RAB4B: variants seen among roughly 807,000 people sequenced by gnomAD.
RAB4B encodes the protein ras-related protein Rab-4B.
A neutral mutation model predicts 28.3 loss-of-function variants in RAB4B; 15 were observed. That is an observed-to-expected ratio of 0.53 (90% CI 0.35 to 0.82). The LOEUF (loss-of-function observed/expected upper bound fraction) is 0.82. Among genes scored for constraint, RAB4B ranks in the 40% least tolerant of loss-of-function variants. The pLI is 0.01. For missense variants in RAB4B, 244 were observed against 288.5 expected (o/e 0.85, Z 1.12); for synonymous variants, 108 against 116.3 (o/e 0.93, Z 0.46).
chr19:40,782,971 C>G (rs143606370), intron 3 of RAB4B, among the ~76,000 whole-genome samples: 1 of 152,018 alleles, frequency 6.6e-6, no homozygotes, highest in Non-Finnish European at 1.5e-5. Flanking sequence ...AACCCCATCT[C>G]TACTAAAAAT....
At chr19:40,782,881 G>A (rs771881690) in intron 3 of RAB4B, among the ~76,000 whole-genome samples, 5 of 152,140 alleles carry the variant, frequency 3.3e-5, no homozygotes, top group Non-Finnish European at 7.3e-5. Context: ...GCTCACGCCT[G>A]TAATCCCAAC....
chr19:40,788,613 G>T (rs975946536), intron 7 of RAB4B, among the ~76,000 whole-genome samples: 2 of 150,502 alleles, frequency 1.3e-5, no homozygotes, highest in South Asian at 2.1e-4. Flanking sequence ...TTGAGATGGG[G>T]TATTGCTCTG....
chr19:40,781,038 G>T (rs1228039267), intron 3 of RAB4B, among the ~76,000 whole-genome samples: 1 of 150,930 alleles, frequency 6.6e-6, no homozygotes, highest in Non-Finnish European at 1.5e-5. Flanking sequence ...CACTGTGGGA[G>T]GCTGAGGCAG....
intron 3 of RAB4B, 39 bp downstream of exon 3, chr19:40,780,538 A>T: frequency 6.5e-7 from 1 of 1,533,748 alleles, no homozygotes; most frequent in Non-Finnish European, 9.0e-7. Context: ...GGGGAGAGAG[A>T]GTGAGAAGGA....
chr19:40,790,401 C>T (rs2083146164), intron 7 of RAB4B, among the ~76,000 whole-genome samples: 2 of 150,630 alleles, frequency 1.3e-5, no homozygotes, highest in Non-Finnish European at 3.0e-5. Context: ...GACAGAGTCT[C>T]GCTCTGTCAC....
In RAB4B at chr19:40,780,356, A is replaced by T. The variant is rs544025208; in HGVS notation, c.98-29A>T. Reference sequence around the variant, plus strand: ...TCTGAGCTGTCTCCTCTCTCCCTGTACTGCCCCTTCTGTTCCTCCTACTCC... The same window carrying T: ...TCTGAGCTGTCTCCTCTCTCCCTGTTCTGCCCCTTCTGTTCCTCCTACTCC... On this transcript the variant is annotated intron_variant, in intron 2 of 7. Transcript: ENST00000357052. 8.3e-6 allele frequency: 13 copies of T among 1,567,924 alleles called. No individual in the cohort carries two copies. The South Asian group carries it at 1.4e-4, about 17-fold the overall frequency.
intron 1 of RAB4B, among the ~76,000 whole-genome samples, 200 bp downstream of exon 1, chr19:40,778,591 G>A (rs570593205): frequency 6.6e-6 from 1 of 152,304 alleles, no homozygotes; most frequent in Admixed American, 6.5e-5. Flanking sequence ...TGGTGCGTGG[G>A]TTAAATAGAT....
chr19:40,786,699 C>T lies in RAB4B; in HGVS notation c.465C>T (p.Gly155=), dbSNP rs150920149. The T allele has an allele frequency of 2.4e-5, 39 of 1,613,928 alleles. No homozygotes were observed. In the African/African-American group the frequency reaches 3.2e-4, roughly 13 times the overall value. Residue 155 remains glycine, a synonymous_variant, in exon 6 of 8, where the codon GGC becomes GGT. Coordinates refer to ENST00000357052, the MANE Select transcript of RAB4B (RefSeq NM_016154.5). ...LMFLETSALT[G]ENVEEAFLKC... is the part of the protein sequence containing the mutation. ...TCCTGGAGACCAGCGCTCTCACAGG[C>T]GAGAACGTGGAGGAGGCGTTCCTCA... is the stretch of plus-strand genomic sequence containing the variant.
rs144855562 is a variant in RAB4B, at chr19:40,786,849, C to T, written c.528C>T (p.Gly176=). Residue 176 remains glycine, a splice_region_variant and synonymous_variant, in exon 7 of 8, where the codon GGC becomes GGT. Coordinates refer to ENST00000357052, the MANE Select transcript of RAB4B (RefSeq NM_016154.5). ...ARTILNKIDS[G]ELDPERMGSG... is the part of the protein sequence containing the mutation. ...GCTGACCTCTCCCCTTCCCCACAGG[C>T]GAGCTAGACCCGGAGAGGATGGGCT... The T allele has an allele frequency of 1.5e-5, 24 of 1,614,004 alleles. No homozygotes were observed. Among genetic ancestry groups the T allele is most frequent in the African/African-American group, 1.1e-4 (8 of 74,926 alleles).
chr19:40,794,579 G>A (rs60533951), intron 7 of RAB4B: 9,986 of 151,772 alleles, frequency 0.066, 400 homozygotes, highest in East Asian at 0.2. Flanking sequence ...GGTATTTGCC[G>A]TTCTGTGCTA....
chr19:40,786,821 A>G (rs2083104243), intron 6 of RAB4B, 27 bp from the exon 7 acceptor site: 1 of 1,614,064 alleles, frequency 6.2e-7, no homozygotes, highest in Non-Finnish European at 8.5e-7. Flanking sequence ...CCAGGCAACC[A>G]ATGCTGACCT....
intron 3 of RAB4B, among the ~76,000 whole-genome samples, chr19:40,781,214 G>C (rs900023198): frequency 1.3e-5 from 2 of 151,078 alleles, no homozygotes; most frequent in Admixed American, 6.6e-5. Flanking sequence ...TTGAACCTGG[G>C]AGGCAGAAGT....
chr19:40,785,015 A>G (rs2083085378), intron 5 of RAB4B, among the ~76,000 whole-genome samples: 1 of 151,902 alleles, frequency 6.6e-6, no homozygotes, highest in Admixed American at 6.6e-5. Context: ...GGGTTTCACC[A>G]TATTGGCCAG....
At position 40,781,312 on chromosome 19, in the gene RAB4B, GAATAAATAAATAAATA is replaced by G. The variant is rs769534052; in HGVS notation, c.212+831_212+846del. Reference sequence around the variant, plus strand: ...TGAATAAATAAATAAATAAATAAATGAATAAATAAATAAATAAATAAATAAATAAATAAGGGAGGTG... The same window carrying G: ...TGAATAAATAAATAAATAAATAAATGAATAAATAAATAAATAAGGGAGGTG... On this transcript the variant is annotated intron_variant, in intron 3 of 7. Coordinates refer to ENST00000357052, the MANE Select transcript of RAB4B (RefSeq NM_016154.5). Among the ~76,000 whole-genome samples the G allele has an allele frequency of 2.8e-5, 4 of 144,350 alleles. No homozygotes were observed. In the South Asian group the frequency reaches 8.8e-4, roughly 32 times the overall value. The allele number at this position is 144,350 out of a possible 152,430, so 94.7% of individuals were successfully genotyped here.
intron 3 of RAB4B, among the ~76,000 whole-genome samples, chr19:40,782,799 C>T (rs562702173): frequency 6.9e-6 from 1 of 144,298 alleles, no homozygotes; most frequent in African/African-American, 2.6e-5. Flanking sequence ...GGCGACAGAG[C>T]AAAACTCCAT....
Position 40,786,992 on chromosome 19 carries a change from G to C in RAB4B, c.*15+14G>C. 1 of 1,607,158 alleles carries C rather than the reference G, an allele frequency of 6.2e-7. No individual in the cohort carries two copies. The highest frequency in any genetic ancestry group is 8.5e-7 in the Non-Finnish European group (1 of 1,174,970). ...CTGTGGAGCCAGGTGGGACACTGGGGGCTTTAGGGAGGCAGGGCGGCCTCT... is the reference window on the plus strand; with the variant it reads ...CTGTGGAGCCAGGTGGGACACTGGGCGCTTTAGGGAGGCAGGGCGGCCTCT... On this transcript the variant is annotated intron_variant, in intron 7 of 7. Transcript: ENST00000357052.
At chr19:40,795,339 G>A (rs1038572403) in intron 7 of RAB4B, among the ~76,000 whole-genome samples, 1 of 151,774 alleles carries the variant, frequency 6.6e-6, no homozygotes, top group Non-Finnish European at 1.5e-5. Flanking sequence ...GGAACATAGA[G>A]GGACACAGAA....
intron 3 of RAB4B, among the ~76,000 whole-genome samples, chr19:40,781,100 C>A (rs2083042059): frequency 1.5e-5 from 2 of 137,702 alleles, no homozygotes; most frequent in Admixed American, 7.6e-5. Context: ...TATGGTGAAA[C>A]CGTGTCTCTA....
At chr19:40,782,237 C>T (rs1244374914) in intron 3 of RAB4B, among the ~76,000 whole-genome samples, 6 of 151,936 alleles carry the variant, frequency 3.9e-5, no homozygotes, top group South Asian at 4.1e-4. Context: ...GCTAGGTTTA[C>T]GGTGAGTGCT....
Sources: gnomAD v4.1 joint callset for allele counts (sites outside exome capture counted in the v4.1 genomes callset) on GRCh38, gnomAD v4.1.1 for gene constraint, MANE v1.5 for transcripts, NCBI Gene and HGNC (gene_info 2026-07-23, HGNC 2026-07-21) for gene names.